The following NDUFAF6 variants were observed in gnomAD, a reference collection of about 807,000 sequenced individuals.
NDUFAF6 encodes the protein NADH dehydrogenase (ubiquinone) complex I, assembly factor 6.
NDUFAF6 carries 45 observed loss-of-function variants against 40.8 expected under a neutral mutation model. The ratio of observed to expected loss-of-function variants is 1.10; its 90% CI spans 0.87 to 1.42. The LOEUF (loss-of-function observed/expected upper bound fraction) is 1.42, where lower values mean the gene tolerates loss of function less well. Ranked by LOEUF, NDUFAF6 falls within the 40% of genes most tolerant of loss-of-function variation. The pLI is 0.00. For synonymous variants in NDUFAF6, 185 were observed against 155.9 expected (o/e 1.19, Z -1.39); for missense variants, 435 against 418.5 (o/e 1.04, Z -0.34).
chr8:95,060,821 AT>A (rs1832553628), downstream of NDUFAF6, among the ~76,000 whole-genome samples: 2 of 152,262 alleles, frequency 1.3e-5, no homozygotes, highest in Admixed American at 1.3e-4. Flanking sequence ...TACTGCTTAA[AT>A]TTCAGATACA....
At chr8:94,997,337 CACACACAG>C (rs1231658210) in intron 2 of NDUFAF6, among the ~76,000 whole-genome samples, 127 of 134,604 alleles carry the variant, frequency 9.4e-4, no homozygotes, top group Admixed American at 2.2e-3. Flanking sequence ...CACACACACA[CACACACAG>C]AGAGAGAGAG....
intron 1 of NDUFAF6, among the ~76,000 whole-genome samples, chr8:94,974,076 T>C (rs756635626): frequency 2.0e-5 from 3 of 152,086 alleles, no homozygotes; most frequent in Non-Finnish European, 4.4e-5. Context: ...CAGCCAGTCC[T>C]CAAGGTTAGA....
In NDUFAF6 at chr8:94,989,325, A is replaced by G. The variant is rs367745566; in HGVS notation, c.-84+8352A>G. On this transcript the variant is annotated intron_variant, in intron 2 of 9. Transcript: ENST00000396111. Reference sequence around the variant, plus strand: ...TTCTTAAATTCGAGGCTGATATACTAAAGGAATTTTTCCAGTGACAGTTGG... The same window carrying G: ...TTCTTAAATTCGAGGCTGATATACTGAAGGAATTTTTCCAGTGACAGTTGG... The G allele has an allele frequency of 7.9e-5, 12 of 152,352 alleles. No individual in the cohort carries two copies. The East Asian group carries it at 1.3e-3, about 17-fold the overall frequency. The allele number at this position is 152,352 out of a possible 1,614,324, so 9.4% of individuals were successfully genotyped here. A position where few individuals can be genotyped will look rare whatever the true frequency, so the allele number is the denominator to read the frequency against.
intron 9 of NDUFAF6, among the ~76,000 whole-genome samples, chr8:95,064,540 CGTGTGTGTGTGT>C (rs10559024): frequency 6.7e-6 from 1 of 149,626 alleles, no homozygotes; most frequent in Admixed American, 6.7e-5. Context: ...ATCATTTATT[CGTGTGTGTGTGT>C]GTGTGTGTGT....
At chr8:95,006,941 TG>T (rs1202405520) in intron 2 of NDUFAF6, among the ~76,000 whole-genome samples, 1 of 150,998 alleles carries the variant, frequency 6.6e-6, no homozygotes, top group Non-Finnish European at 1.5e-5. Flanking sequence ...ATTAACATGT[TG>T]GGAGAGTAAG....
At chr8:95,111,690 C>G (rs1810003327) in intron 4 of NDUFAF6, among the ~76,000 whole-genome samples, 1 of 152,192 alleles carries the variant, frequency 6.6e-6, no homozygotes, top group South Asian at 2.1e-4. Flanking sequence ...AAATAGTCAT[C>G]TGGGATCCAC....
At chr8:94,970,561 C>T (rs556746488) in intron 1 of NDUFAF6, among the ~76,000 whole-genome samples, 8 of 151,910 alleles carry the variant, frequency 5.3e-5, no homozygotes, top group East Asian at 1.9e-4. Context: ...ATTGCACTCC[C>T]GCCTGGGTGA....
chr8:95,032,184 A>G, intron 2 of NDUFAF6, 90 bp downstream of exon 2: 2 of 1,122,130 alleles, frequency 1.8e-6, no homozygotes, highest in South Asian at 2.5e-5. Context: ...GTTGTAATTT[A>G]TATGTTAGAT....
chr8:95,064,396 T>C (rs1429743338), intron 9 of NDUFAF6, among the ~76,000 whole-genome samples: 1 of 152,184 alleles, frequency 6.6e-6, no homozygotes, highest in Non-Finnish European at 1.5e-5. Flanking sequence ...ATGTTTATTT[T>C]CTTCTTACAC....
chr8:94,918,600 T>C (rs1819291955), intron 1 of NDUFAF6, among the ~76,000 whole-genome samples: 1 of 152,202 alleles, frequency 6.6e-6, no homozygotes, highest in Non-Finnish European at 1.5e-5. Flanking sequence ...GGAATAATTT[T>C]ATTCCTGTAA....
intron 2 of NDUFAF6, among the ~76,000 whole-genome samples, chr8:95,086,355 T>A (rs542644152): frequency 6.6e-6 from 1 of 152,220 alleles, no homozygotes; most frequent in African/African-American, 2.4e-5. Flanking sequence ...GATTACTGAT[T>A]TGTACCAATG....
At chr8:95,112,935 C>T (rs184351788) in intron 4 of NDUFAF6, among the ~76,000 whole-genome samples, 32 of 152,338 alleles carry the variant, frequency 2.1e-4, no homozygotes, top group African/African-American at 7.0e-4. Flanking sequence ...GTCCAGATGG[C>T]CCACTGCCAG....
chr8:95,057,953 T>G lies in NDUFAF6; in HGVS notation c.*16T>G, dbSNP rs2678832. The G allele has an allele frequency of 1.3e-6, 2 of 1,503,792 alleles. No individual in the cohort carries two copies. Among genetic ancestry groups the G allele is most frequent in the South Asian group, 1.1e-5 (1 of 87,734 alleles). 93.2% of individuals were successfully genotyped at this position (1,503,792 alleles called of 1,614,324 possible). ...AACATATTAAAATAATTTCATGGCA[T>G]TGATGTTAATTCTAGTCTATTAGTT... On this transcript the variant is annotated 3_prime_UTR_variant, in exon 9 of 9. Transcript: ENST00000396124.
chr8:95,026,303 A>G (rs917167683), intron 1 of NDUFAF6, among the ~76,000 whole-genome samples: 3 of 152,246 alleles, frequency 2.0e-5, no homozygotes, highest in South Asian at 4.1e-4. Context: ...CCCCATCCCT[A>G]CAAAAAAATA....
intron 1 of NDUFAF6, among the ~76,000 whole-genome samples, chr8:94,943,611 T>C (rs1218981686): frequency 6.6e-6 from 1 of 152,264 alleles, no homozygotes; most frequent in Non-Finnish European, 1.5e-5. Flanking sequence ...GACAGTTCAC[T>C]TTCAAAATAA....
At chr8:95,018,773 AAAG>A (rs773707934) in intron 2 of NDUFAF6, among the ~76,000 whole-genome samples, 1 of 152,346 alleles carries the variant, frequency 6.6e-6, no homozygotes, top group Admixed American at 6.5e-5. Context: ...CAAGATGAAG[AAAG>A]AAGAAGAAAT....
chr8:95,010,337 T>A (rs890691727), intron 2 of NDUFAF6, among the ~76,000 whole-genome samples: 4 of 152,188 alleles, frequency 2.6e-5, no homozygotes, highest in Admixed American at 6.5e-5. Context: ...GGAGGAGGCC[T>A]CGGCCTCCCA....
intron 1 of NDUFAF6, among the ~76,000 whole-genome samples, chr8:94,972,109 G>A (rs1824513937): frequency 6.6e-6 from 1 of 152,196 alleles, no homozygotes; most frequent in Non-Finnish European, 1.5e-5. Flanking sequence ...GAAAAACAAA[G>A]ATTCTGATAG....
intron 1 of NDUFAF6, chr8:94,927,366 C>G (rs2945554): frequency 1.3e-5 from 2 of 151,984 alleles, no homozygotes; most frequent in East Asian, 3.9e-4. Context: ...GAAGCAGAAA[C>G]AATGCTGAAC....
Sources: gnomAD v4.1 joint callset for allele counts (sites outside exome capture counted in the v4.1 genomes callset) on GRCh38, gnomAD v4.1.1 for gene constraint, MANE v1.5 for transcripts, NCBI Gene and HGNC (gene_info 2026-07-23, HGNC 2026-07-21) for gene names.